The following ADGRB3 variants were observed in gnomAD, a reference collection of about 807,000 sequenced individuals.
ADGRB3 encodes the protein brain-specific angiogenesis inhibitor 3.
A neutral mutation model predicts 193.4 loss-of-function variants in ADGRB3; 37 were observed. The ratio of observed to expected loss-of-function variants is 0.19; its 90% CI spans 0.15 to 0.25. The LOEUF is 0.25. Among genes scored for constraint, ADGRB3 ranks in the 10% least tolerant of loss-of-function variants. ADGRB3 has a pLI of 1.00. For synonymous variants in ADGRB3, 690 were observed against 644.2 expected, an observed-to-expected ratio of 1.07 and a Z score of -1.08; for missense variants, 1,637 against 1,852.9, an observed-to-expected ratio of 0.88 and a Z score of 2.14.
intron 3 of ADGRB3, among the ~76,000 whole-genome samples, chr6:68,681,959 T>C (rs1228352488): frequency 6.6e-6 from 1 of 152,166 alleles, no homozygotes; most frequent in African/African-American, 2.4e-5. Context: ...AAGAGCAATG[T>C]GAGACAGACA....
chr6:68,796,699 G>A (rs1767215167), intron 3 of ADGRB3, among the ~76,000 whole-genome samples: 1 of 152,120 alleles, frequency 6.6e-6, no homozygotes, highest in Non-Finnish European at 1.5e-5. Flanking sequence ...AAAACTTCTG[G>A]TGCAATCAGT....
chr6:69,091,888 A>T (rs908492804), intron 17 of ADGRB3, among the ~76,000 whole-genome samples: 9 of 152,154 alleles, frequency 5.9e-5, no homozygotes, highest in South Asian at 2.1e-4. Flanking sequence ...TGACATGATT[A>T]AAAAAATGTA....
At chr6:69,127,229 T>C (rs1289445694) in intron 17 of ADGRB3, among the ~76,000 whole-genome samples, 3 of 152,312 alleles carry the variant, frequency 2.0e-5, no homozygotes, top group Non-Finnish European at 4.4e-5. Context: ...TTCTAAAAAT[T>C]GTAGCCCTGA....
intron 3 of ADGRB3, among the ~76,000 whole-genome samples, chr6:68,911,308 C>A (rs1766702205): frequency 1.3e-5 from 2 of 151,708 alleles, no homozygotes; most frequent in South Asian, 2.1e-4. Context: ...AGGAGATATA[C>A]CTAATGTTAA....
intron 28 of ADGRB3, among the ~76,000 whole-genome samples, chr6:69,359,329 C>G (rs1240355858): frequency 6.6e-6 from 1 of 151,298 alleles, no homozygotes; most frequent in African/African-American, 2.4e-5. Context: ...AATTACAACT[C>G]ATTATTGATC....
intron 17 of ADGRB3, among the ~76,000 whole-genome samples, chr6:69,158,714 T>A (rs1272011594): frequency 6.6e-6 from 1 of 152,140 alleles, no homozygotes; most frequent in East Asian, 1.9e-4. Flanking sequence ...GACAGCTGTC[T>A]CTGAACCCTG....
chr6:69,376,951 C>G (rs966398973), intron 30 of ADGRB3, among the ~76,000 whole-genome samples: 4 of 151,972 alleles, frequency 2.6e-5, no homozygotes, highest in African/African-American at 7.2e-5. Context: ...TGTTTTCAGA[C>G]CCTGCATCTA....
intron 3 of ADGRB3, among the ~76,000 whole-genome samples, chr6:68,738,029 C>T (rs563842515): frequency 6.6e-6 from 1 of 152,164 alleles, no homozygotes; most frequent in South Asian, 2.1e-4. Context: ...ACAAGTTTGA[C>T]TAAAGTGATC....
At position 69,233,294 on chromosome 6, in the gene ADGRB3, G is replaced by C; in HGVS notation, c.2485G>C (p.Glu829Gln). ...CCCCCTCACTCCCCTTTGCAGGAAC[G>C]AGTCTTTGGGAACGTGGTCCACCCA... ...CVLWDDSKTN[E>Q]SLGTWSTQGC... Residue 829 changes from glutamate to glutamine, a missense_variant, in exon 18 of 32, where the codon GAG becomes CAG. Transcript: ENST00000370598. The C allele has an allele frequency of 6.2e-7, 1 of 1,613,540 alleles. No individual in the cohort carries two copies. Among genetic ancestry groups the C allele is most frequent in the Non-Finnish European group, 8.5e-7 (1 of 1,179,808 alleles).
chr6:69,091,391 A>C (rs542800664), intron 17 of ADGRB3, among the ~76,000 whole-genome samples: 1 of 152,368 alleles, frequency 6.6e-6, no homozygotes, highest in South Asian at 2.1e-4. Flanking sequence ...AATCAGCCAA[A>C]GTGCCCATCA....
At chr6:68,955,057 A>G (rs1768033781) in intron 6 of ADGRB3, among the ~76,000 whole-genome samples, 2 of 152,068 alleles carry the variant, frequency 1.3e-5, no homozygotes, top group Non-Finnish European at 1.5e-5. Context: ...CTTTTTTAAA[A>G]CTTCTGCAAT....
chr6:69,021,205 G>A (rs1223891610), intron 13 of ADGRB3, among the ~76,000 whole-genome samples: 4 of 151,824 alleles, frequency 2.6e-5, no homozygotes, highest in Non-Finnish European at 5.9e-5. Context: ...ATTTTCTTTA[G>A]AATGTGTTGG....
At chr6:69,255,676 T>C (rs2127269534) in intron 20 of ADGRB3, among the ~76,000 whole-genome samples, 1 of 152,330 alleles carries the variant, frequency 6.6e-6, no homozygotes, top group Non-Finnish European at 1.5e-5. Context: ...GATGGTAGTT[T>C]CTTTTGCTGT....
intron 3 of ADGRB3, among the ~76,000 whole-genome samples, chr6:68,729,215 A>G (rs9363963): frequency 0.81 from 121,965 of 151,504 alleles, 49,305 homozygotes; most frequent in Middle Eastern, 0.93. Context: ...TGGTAGAGCT[A>G]CTGTGAAAGC....
chr6:69,049,005 G>A (rs72910623), intron 14 of ADGRB3, among the ~76,000 whole-genome samples: 5,782 of 152,038 alleles, frequency 0.038, 147 homozygotes, highest in Non-Finnish European at 0.055. Context: ...TTCTGATATC[G>A]TTGGGAAATT....
intron 10 of ADGRB3, among the ~76,000 whole-genome samples, chr6:68,981,169 T>G (rs1352583903): frequency 1.3e-5 from 2 of 151,628 alleles, no homozygotes; most frequent in Non-Finnish European, 3.0e-5. Flanking sequence ...AAATAATCAT[T>G]GCAGAACCCA....
intron 1 of ADGRB3, 142 bp downstream of exon 1, chr6:68,636,142 T>C (rs1254290332): frequency 6.6e-6 from 1 of 152,302 alleles, no homozygotes; most frequent in African/African-American, 2.4e-5. Flanking sequence ...GATCCGACTG[T>C]CTGCATTTAC....
At chr6:68,998,969 T>C (rs1184869437) in intron 11 of ADGRB3, among the ~76,000 whole-genome samples, 2 of 152,176 alleles carry the variant, frequency 1.3e-5, no homozygotes, top group Non-Finnish European at 2.9e-5. Context: ...ATATACACCT[T>C]TATTTGTGCC....
At chr6:68,689,789 G>T (rs1340798032) in intron 3 of ADGRB3, among the ~76,000 whole-genome samples, 1 of 151,980 alleles carries the variant, frequency 6.6e-6, no homozygotes. Context: ...AAATATATTT[G>T]TGAAGGGGAC....
Sources: allele counts gnomAD v4.1 joint callset (sites outside exome capture counted in the v4.1 genomes callset), GRCh38; gene constraint gnomAD v4.1.1; transcripts MANE v1.5; gene names NCBI Gene and HGNC (gene_info 2026-07-23, HGNC 2026-07-21).